Variants in REEP3 observed in about 807,000 individuals in gnomAD.
REEP3 encodes receptor accessory protein 3.
In REEP3, 20 loss-of-function variants were observed where a neutral mutation model predicts 41.3. The observed-to-expected ratio is 0.48, with a 90% CI of 0.34 to 0.70. The LOEUF is 0.70. Ranked by LOEUF, REEP3 falls within the 30% of genes least tolerant of loss-of-function variation. REEP3 has a pLI of 0.01. For missense variants in REEP3, 271 were observed against 308.8 expected (o/e 0.88, Z 0.92); for synonymous variants, 104 against 101.8 (o/e 1.02, Z -0.13).
chr10:63,617,469 A>G (rs527945343), intron 6 of REEP3, among the ~76,000 whole-genome samples: 68 of 152,232 alleles, frequency 4.5e-4, no homozygotes, highest in African/African-American at 1.5e-3. Flanking sequence ...GCATGATCAC[A>G]GCTCACTGCA....
At chr10:63,611,511 A>G (rs1056575580) in intron 6 of REEP3, among the ~76,000 whole-genome samples, 3 of 152,340 alleles carry the variant, frequency 2.0e-5, no homozygotes, top group South Asian at 4.1e-4. Context: ...TCTTAGAAAC[A>G]TACATATAAA....
chr10:63,537,934 A>G (rs1955490208), intron 1 of REEP3, among the ~76,000 whole-genome samples: 1 of 152,082 alleles, frequency 6.6e-6, no homozygotes, highest in Admixed American at 6.6e-5. Flanking sequence ...ATACATAGAT[A>G]GCCACTTAAA....
chr10:63,601,659 C>T (rs1027201496), intron 5 of REEP3, among the ~76,000 whole-genome samples: 2 of 152,234 alleles, frequency 1.3e-5, no homozygotes, highest in African/African-American at 4.8e-5. Flanking sequence ...TGGCTCACAC[C>T]TGTAATCCCA....
chr10:63,576,229 G>C (rs1955897716), intron 2 of REEP3, among the ~76,000 whole-genome samples: 1 of 152,164 alleles, frequency 6.6e-6, no homozygotes. Context: ...TCACTGTAGA[G>C]TGATCTGACT....
chr10:63,530,615 T>G (rs1375151649), intron 1 of REEP3, among the ~76,000 whole-genome samples: 1 of 152,236 alleles, frequency 6.6e-6, no homozygotes, highest in Non-Finnish European at 1.5e-5. Flanking sequence ...CAAGATTCCT[T>G]TATTAGCCTG....
intron 2 of REEP3, among the ~76,000 whole-genome samples, chr10:63,590,071 A>G (rs569310561): frequency 1.3e-4 from 20 of 152,218 alleles, no homozygotes; most frequent in African/African-American, 4.3e-4. Context: ...CCAAGATTAC[A>G]GGCGTGAGCC....
rs770208373 is a variant in REEP3 at position 63,610,328 on chromosome 10, T to A, written c.559T>A (p.Ser187Thr). Reference protein sequence around the residue: ...KKKSKPAPSESAGYGIPLKDG... With the variant: ...KKKSKPAPSETAGYGIPLKDG... The stretch of plus-strand genomic sequence containing the variant: ...GAAAAGTAAACCAGCCCCCAGTGAA[T>A]CAGCAGGTGTGCTTGTGTGTTTTAA... Residue 187 changes from serine to threonine, a missense_variant, in exon 6 of 8, where the codon TCA becomes ACA. Coordinates refer to ENST00000373758, the MANE Select transcript of REEP3 (RefSeq NM_001001330.3). The A allele has an allele frequency of 1.2e-4, 184 of 1,553,074 alleles. No homozygotes were observed. The highest frequency in any genetic ancestry group is 1.4e-4 in the Non-Finnish European group (166 of 1,147,666).
At chr10:63,538,185 T>C (rs1451413901) in intron 1 of REEP3, among the ~76,000 whole-genome samples, 1 of 152,202 alleles carries the variant, frequency 6.6e-6, no homozygotes, top group East Asian at 1.9e-4. Flanking sequence ...TTTTTCATGA[T>C]ATTTCTTGCC....
intron 2 of REEP3, among the ~76,000 whole-genome samples, chr10:63,579,700 T>C (rs1475935080): frequency 6.6e-6 from 1 of 152,262 alleles, no homozygotes; most frequent in African/African-American, 2.4e-5. Context: ...CTAGGAAGAA[T>C]GTTACCAACT....
chr10:63,526,390 A>T (rs1166206491), intron 1 of REEP3, among the ~76,000 whole-genome samples: 2 of 152,144 alleles, frequency 1.3e-5, no homozygotes, highest in Non-Finnish European at 2.9e-5. Context: ...GACATTATAT[A>T]TACTTCTTTT....
At chr10:63,585,306 AT>A (rs1955994816) in intron 2 of REEP3, among the ~76,000 whole-genome samples, 1 of 152,176 alleles carries the variant, frequency 6.6e-6, no homozygotes, top group African/African-American at 2.4e-5. Flanking sequence ...AACCAACCAT[AT>A]GGATATGTTA....
intron 2 of REEP3, among the ~76,000 whole-genome samples, chr10:63,568,242 G>A (rs10995560): frequency 1.3e-5 from 2 of 151,498 alleles, no homozygotes; most frequent in Non-Finnish European, 1.5e-5. Flanking sequence ...TTTGTTTTTC[G>A]AGTAAGTCAT....
At chr10:63,574,681 TTC>T (rs911666603) in intron 2 of REEP3, among the ~76,000 whole-genome samples, 2 of 152,066 alleles carry the variant, frequency 1.3e-5, no homozygotes, top group African/African-American at 4.8e-5. Context: ...TTGTGTGGTG[TTC>T]TCTGTGTTCT....
chr10:63,587,097 G>A (rs1446991780), intron 2 of REEP3, among the ~76,000 whole-genome samples: 6 of 151,420 alleles, frequency 4.0e-5, no homozygotes, highest in Non-Finnish European at 5.9e-5. Flanking sequence ...CCTATTGAAA[G>A]TAGAAGAGGA....
intron 3 of REEP3, among the ~76,000 whole-genome samples, chr10:63,595,595 TA>T (rs896013114): frequency 2.0e-5 from 3 of 152,028 alleles, no homozygotes; most frequent in Non-Finnish European, 2.9e-5. Flanking sequence ...TTTTTTTTTT[TA>T]TACAAGGTCT....
At position 63,622,769 on chromosome 10, in the gene REEP3, C is replaced by T. The variant is rs971401909; in HGVS notation, c.*1900C>T. On this transcript the variant is annotated 3_prime_UTR_variant, in exon 8 of 8. Coordinates refer to ENST00000373758, the MANE Select transcript of REEP3 (RefSeq NM_001001330.3). ...GTCACCAGGCTGGAGTGCAGTGGCG[C>T]GATCTCGGCTCACTACAACCTCTGC... 2 of 141,170 alleles carry T rather than the reference C, an allele frequency of 1.4e-5. No individual in the cohort carries two copies. Among genetic ancestry groups the T allele is most frequent in the South Asian group, 2.2e-4 (1 of 4,570 alleles). The allele number at this position is 141,170 out of a possible 1,614,324, so 8.7% of individuals were successfully genotyped here. A position where few individuals can be genotyped will look rare whatever the true frequency, so the allele number is the denominator to read the frequency against.
At chr10:63,533,808 A>C (rs1181765378) in intron 1 of REEP3, among the ~76,000 whole-genome samples, 2 of 149,644 alleles carry the variant, frequency 1.3e-5, no homozygotes, top group African/African-American at 4.9e-5. Flanking sequence ...CCCGGGTTCA[A>C]GCAATTCTCC....
chr10:63,601,199 A>G (rs1956169055), intron 5 of REEP3, among the ~76,000 whole-genome samples: 1 of 152,196 alleles, frequency 6.6e-6, no homozygotes, highest in Non-Finnish European at 1.5e-5. Flanking sequence ...TCAGAATGAC[A>G]TTAAATTTCT....
chr10:63,615,333 T>C (rs1018887648), intron 6 of REEP3, among the ~76,000 whole-genome samples: 6 of 152,120 alleles, frequency 3.9e-5, no homozygotes, highest in African/African-American at 1.4e-4. Context: ...AGAAAATGTT[T>C]TTTTTGTTTT....
Sources: allele counts gnomAD v4.1 joint callset (sites outside exome capture counted in the v4.1 genomes callset), GRCh38; gene constraint gnomAD v4.1.1; transcripts MANE v1.5; gene names NCBI Gene and HGNC (gene_info 2026-07-23, HGNC 2026-07-21).